The following GRIA2 variants were observed in gnomAD, a reference collection of about 807,000 sequenced individuals.
GRIA2 encodes the protein glutamate receptor 2.
GRIA2 carries 14 observed loss-of-function variants against 97.3 expected under a neutral mutation model. The ratio of observed to expected loss-of-function variants is 0.14; its 90% CI spans 0.10 to 0.23. The LOEUF is 0.23. Among genes scored for constraint, GRIA2 ranks in the 10% least tolerant of loss-of-function variants. The pLI is 1.00. For synonymous variants in GRIA2, 412 were observed against 387.8 expected, an observed-to-expected ratio of 1.06 and a Z score of -0.73; for missense variants, 558 against 1,069.8, an observed-to-expected ratio of 0.52 and a Z score of 6.67.
At chr4:157,273,577 T>C (rs186654917) in intron 2 of GRIA2, among the ~76,000 whole-genome samples, 1 of 152,058 alleles carries the variant, frequency 6.6e-6, no homozygotes, top group East Asian at 1.9e-4. Flanking sequence ...AAAAACACTG[T>C]AAGAGAAATA....
intron 2 of GRIA2, among the ~76,000 whole-genome samples, chr4:157,278,478 G>A (rs1732449213): frequency 6.6e-6 from 1 of 151,870 alleles, no homozygotes; most frequent in East Asian, 1.9e-4. Flanking sequence ...AACTCAAAAG[G>A]GAGCATAGGA....
chr4:157,286,989 C>G (rs1344332985), intron 2 of GRIA2, among the ~76,000 whole-genome samples: 2 of 151,374 alleles, frequency 1.3e-5, no homozygotes, highest in Non-Finnish European at 3.0e-5. Context: ...TTTTTTTGAT[C>G]AATTCTAGAA....
chr4:157,223,984 T>G (rs1729630178), intron 2 of GRIA2, among the ~76,000 whole-genome samples: 1 of 152,182 alleles, frequency 6.6e-6, no homozygotes, highest in Admixed American at 6.5e-5. Flanking sequence ...TGAAATAAAA[T>G]ATATAGCCAG....
chr4:157,237,508 G>T (rs1334949255), intron 2 of GRIA2, among the ~76,000 whole-genome samples: 1 of 151,894 alleles, frequency 6.6e-6, no homozygotes, highest in Non-Finnish European at 1.5e-5. Flanking sequence ...TCAAACTCCT[G>T]GCCTCAAGCA....
chr4:157,326,427 C>A (rs931777595), intron 6 of GRIA2, among the ~76,000 whole-genome samples: 2 of 152,112 alleles, frequency 1.3e-5, no homozygotes, highest in African/African-American at 2.4e-5. Flanking sequence ...AAAAAAAATT[C>A]ATTGATATAA....
chr4:157,265,440 G>C (rs1026375398), intron 2 of GRIA2, among the ~76,000 whole-genome samples: 1 of 152,128 alleles, frequency 6.6e-6, no homozygotes, highest in Non-Finnish European at 1.5e-5. Flanking sequence ...TAAGCTGGAA[G>C]CTTGCCATGT....
intron 12 of GRIA2, among the ~76,000 whole-genome samples, chr4:157,355,971 A>ATATATATTTATATATTTATGTATATT (rs1560781332): frequency 1.0e-4 from 1 of 9,596 alleles, no homozygotes; most frequent in Non-Finnish European, 2.7e-4. Flanking sequence ...ATGTATATTA[A>ATATATATTTATATATTTATGTATATT]TATATATATT....
At chr4:157,351,391 C>T (rs1057420104) in intron 12 of GRIA2, among the ~76,000 whole-genome samples, 2 of 152,110 alleles carry the variant, frequency 1.3e-5, no homozygotes, top group Admixed American at 1.3e-4. Context: ...TATCAGTTCA[C>T]ATTGTATGCA....
chr4:157,333,704 C>T (rs1354859869), intron 8 of GRIA2, among the ~76,000 whole-genome samples: 1 of 151,954 alleles, frequency 6.6e-6, no homozygotes, highest in Non-Finnish European at 1.5e-5. Context: ...CAACATCAAC[C>T]TTTTAGCTGT....
intron 2 of GRIA2, among the ~76,000 whole-genome samples, chr4:157,246,307 A>T (rs182799573): frequency 1.9e-3 from 296 of 152,200 alleles, no homozygotes; most frequent in East Asian, 0.01. Context: ...AATTTGAATC[A>T]CATGATATTG....
chr4:157,355,904 T>TATTA (rs1736281722), intron 12 of GRIA2, among the ~76,000 whole-genome samples: 8 of 13,650 alleles, frequency 5.9e-4, no homozygotes, highest in African/African-American at 2.0e-3. Flanking sequence ...TATATATAAA[T>TATTA]ATATATATAT....
intron 2 of GRIA2, among the ~76,000 whole-genome samples, chr4:157,259,680 C>T (rs1731439547): frequency 1.3e-5 from 2 of 152,122 alleles, no homozygotes; most frequent in Non-Finnish European, 2.9e-5. Flanking sequence ...ATTTTGTTTA[C>T]TACCAAGTCT....
chr4:157,348,590 C>A (rs543688427), intron 12 of GRIA2, among the ~76,000 whole-genome samples: 1 of 152,086 alleles, frequency 6.6e-6, no homozygotes, highest in Admixed American at 6.6e-5. Flanking sequence ...CAAGCAATGA[C>A]AAATATTATC....
chr4:157,239,803 T>C (rs1179322485), intron 2 of GRIA2, among the ~76,000 whole-genome samples: 1 of 152,050 alleles, frequency 6.6e-6, no homozygotes, highest in Non-Finnish European at 1.5e-5. Context: ...CCAAGTACCA[T>C]GCTATGATTA....
intron 4 of GRIA2, among the ~76,000 whole-genome samples, chr4:157,313,218 G>A (rs2126886882): frequency 6.6e-6 from 1 of 152,144 alleles, no homozygotes; most frequent in Admixed American, 6.6e-5. Context: ...AAATAGACAT[G>A]TATTAACTTA....
At chr4:157,257,545 A>G (rs528187948) in intron 2 of GRIA2, among the ~76,000 whole-genome samples, 1 of 152,126 alleles carries the variant, frequency 6.6e-6, no homozygotes, top group African/African-American at 2.4e-5. Context: ...AAAATTTCTG[A>G]AAATCTGCAG....
At chr4:157,315,661 G>C (rs1312475379) in intron 4 of GRIA2, among the ~76,000 whole-genome samples, 1 of 152,012 alleles carries the variant, frequency 6.6e-6, no homozygotes, top group Non-Finnish European at 1.5e-5. Context: ...TACTGCCTCA[G>C]CCTCCTGAGT....
At chr4:157,221,521 C>T (rs1200364355) in intron 1 of GRIA2, 146 bp from the exon 2 acceptor site, 2 of 812,678 alleles carry the variant, frequency 2.5e-6, no homozygotes, top group East Asian at 2.5e-5. Flanking sequence ...GGATATTCCA[C>T]CCCCGCTGTC....
rs1288947426 is a variant in GRIA2 at position 157,303,647 on chromosome 4, G to A, written c.325G>A (p.Val109Ile). 2 of 1,613,948 alleles carry A rather than the reference G, an allele frequency of 1.2e-6. No homozygotes were observed. Among genetic ancestry groups the A allele is most frequent in the Non-Finnish European group, 1.7e-6 (2 of 1,179,966 alleles). The change falls in exon 3 of 16, where the codon GTC becomes ATC. Residue 109 changes from valine to isoleucine, a missense_variant. Coordinates refer to ENST00000264426, the MANE Select transcript of GRIA2 (RefSeq NM_001083619.3). Reference protein sequence around the residue: ...TITSFCGTLHVSFITPSFPTD... With the variant: ...TITSFCGTLHISFITPSFPTD... Reference sequence around the variant, plus strand: ...CACATCATTTTGCGGAACACTCCACGTCTCCTTCATCACTCCCAGCTTCCC... The same window carrying A: ...CACATCATTTTGCGGAACACTCCACATCTCCTTCATCACTCCCAGCTTCCC...
Sources: allele counts gnomAD v4.1 joint callset (sites outside exome capture counted in the v4.1 genomes callset), GRCh38; gene constraint gnomAD v4.1.1; transcripts MANE v1.5; gene names NCBI Gene and HGNC (gene_info 2026-07-23, HGNC 2026-07-21).